Variants in FAM53A observed in about 807,000 individuals in gnomAD.
The protein encoded by FAM53A is protein FAM53A.
FAM53A carries 28 observed loss-of-function variants against 26.6 expected under a neutral mutation model. The ratio of observed to expected loss-of-function variants is 1.05; its 90% CI spans 0.78 to 1.45. The LOEUF (loss-of-function observed/expected upper bound fraction) is 1.45. FAM53A is among the 40% of genes most tolerant of loss of function. FAM53A has a pLI of 0.00. For synonymous variants in FAM53A, 290 were observed against 253.1 expected (o/e 1.15, Z -1.38); for missense variants, 650 against 575.8 (o/e 1.13, Z -1.32).
intron 1 of FAM53A, 61 bp downstream of exon 1, chr4:1,684,172 G>C (rs1016745958): frequency 6.6e-6 from 1 of 151,838 alleles, no homozygotes; most frequent in Non-Finnish European, 1.5e-5. Flanking sequence ...GGTGCGCCGA[G>C]GAATGGGCAG....
chr4:1,664,330 C>T (rs1212955026), intron 2 of FAM53A, among the ~76,000 whole-genome samples: 1 of 152,128 alleles, frequency 6.6e-6, no homozygotes, highest in Non-Finnish European at 1.5e-5. Context: ...AAACAAGGAG[C>T]CCTGAGCTAA....
the FAM53A span, among the ~76,000 whole-genome samples, chr4:1,596,590 G>A: frequency 2.0e-5 from 3 of 152,310 alleles, no homozygotes; most frequent in East Asian, 3.9e-4. Flanking sequence ...TGTCACTGCA[G>A]GCATGCCCTC....
At chr4:1,636,394 G>A (rs1227497153), downstream of FAM53A, among the ~76,000 whole-genome samples, 1 of 152,302 alleles carries the variant, frequency 6.6e-6, no homozygotes, top group East Asian at 1.9e-4. Flanking sequence ...CCTAGGACGG[G>A]GGTTGTGAAT....
intron 2 of FAM53A, 125 bp from the exon 3 acceptor site, chr4:1,657,593 A>G (rs1324355078): frequency 1.2e-6 from 1 of 811,506 alleles, no homozygotes; most frequent in Non-Finnish European, 2.0e-6. Flanking sequence ...TGATTAAAAT[A>G]AGCACAGTTT....
the FAM53A span, among the ~76,000 whole-genome samples, chr4:1,587,109 G>GT: frequency 1.3e-5 from 2 of 152,126 alleles, no homozygotes; most frequent in Non-Finnish European, 2.9e-5. Context: ...CTATTGGGTT[G>GT]TTTGAGTTCC....
At chr4:1,654,831 G>T in intron 4 of FAM53A, 147 bp downstream of exon 4, 1 of 1,160,708 alleles carries the variant, frequency 8.6e-7, no homozygotes, top group East Asian at 3.0e-5. Context: ...ACGCACTCCA[G>T]ATGGCTCTCC....
chr4:1,655,296 G>T lies in FAM53A; in HGVS notation c.564C>A (p.Ser188=). The change falls in exon 4 of 5, where the codon TCC becomes TCA. Residue 188 remains serine, a synonymous_variant. Coordinates refer to ENST00000308132, the MANE Select transcript of FAM53A (RefSeq NM_001174070.3). ...GPTSPATPRP[S]SASGGFVDSS... ...TGTCCACGAAGCCGCCGCTGGCGGA[G>T]GACGGCCGGGGCGTGGCGGGCGAGG... The T allele has an allele frequency of 7.0e-7, 1 of 1,424,526 alleles. No individual in the cohort carries two copies. 88.2% of individuals were successfully genotyped at this position (1,424,526 alleles called of 1,614,324 possible).
At chr4:1,606,765 G>C in the FAM53A span, among the ~76,000 whole-genome samples, 1 of 152,212 alleles carries the variant, frequency 6.6e-6, no homozygotes, top group Non-Finnish European at 1.5e-5. Context: ...CGAGGGACTC[G>C]GGCAGCCACG....
chr4:1,577,711 C>T, the FAM53A span, among the ~76,000 whole-genome samples: 1 of 152,208 alleles, frequency 6.6e-6, no homozygotes, highest in African/African-American at 2.4e-5. Flanking sequence ...TTATGCGCGG[C>T]GCTCTTGTTA....
the FAM53A span, among the ~76,000 whole-genome samples, chr4:1,587,539 G>T: frequency 1.3e-5 from 2 of 152,170 alleles, no homozygotes; most frequent in Admixed American, 1.3e-4. Flanking sequence ...AGGCGTGGTG[G>T]TGCATGCCTG....
At chr4:1,641,639 T>A in intron 4 of FAM53A, 32 bp from the exon 5 acceptor site, 1 of 1,610,270 alleles carries the variant, frequency 6.2e-7, no homozygotes, top group Non-Finnish European at 8.5e-7. Context: ...CTTAAAGCAT[T>A]TCTAGCAGAT....
At chr4:1,683,187 T>C (rs1253726812) in intron 1 of FAM53A, among the ~76,000 whole-genome samples, 1 of 152,186 alleles carries the variant, frequency 6.6e-6, no homozygotes, top group Admixed American at 6.5e-5. Context: ...AAGTCACTGT[T>C]TCTAAACAAT....
intron 1 of FAM53A, among the ~76,000 whole-genome samples, chr4:1,672,410 T>G (rs1714746088): frequency 6.6e-6 from 1 of 151,918 alleles, no homozygotes; most frequent in African/African-American, 2.4e-5. Flanking sequence ...CAGGAACCCA[T>G]GGACCCAGGT....
At chr4:1,634,299 C>T (rs139835026) in intron 1 of FAM53A, among the ~76,000 whole-genome samples, 11 of 152,098 alleles carry the variant, frequency 7.2e-5, no homozygotes, top group Non-Finnish European at 7.4e-5. Context: ...CTGCTGAGGG[C>T]TCCTGTTACC....
chr4:1,664,874 A>G (rs866150688), intron 2 of FAM53A, among the ~76,000 whole-genome samples: 2 of 152,272 alleles, frequency 1.3e-5, no homozygotes, highest in African/African-American at 4.8e-5. Context: ...ACTACTGAGG[A>G]GGCTGAGGCA....
chr4:1,643,338 C>T (rs578028438), intron 4 of FAM53A, among the ~76,000 whole-genome samples: 16 of 151,832 alleles, frequency 1.1e-4, no homozygotes, highest in East Asian at 4.0e-4. Flanking sequence ...TGGTGGCGGG[C>T]GCCTGTAGTC....
rs901250569 is a variant in FAM53A at position 1,668,842 on chromosome 4, G to T, written c.-101C>A. ...CATTGCTGGGTCAGCCAAATCTCAAGGTCATGTCTCCACTTTCTTTACAGA... is the reference window on the plus strand; with the variant it reads ...CATTGCTGGGTCAGCCAAATCTCAATGTCATGTCTCCACTTTCTTTACAGA... On this transcript the variant is annotated 5_prime_UTR_variant, in exon 2 of 5. Transcript: ENST00000308132. 1.0e-5 allele frequency: 11 copies of T among 1,088,650 alleles called. No individual in the cohort carries two copies. The Admixed American group carries it at 2.2e-4, about 22-fold the overall frequency. 67.4% of individuals were successfully genotyped at this position (1,088,650 alleles called of 1,614,324 possible). A position where few individuals can be genotyped will look rare whatever the true frequency, so the allele number is the denominator to read the frequency against.
At chr4:1,592,430 A>T in the FAM53A span, among the ~76,000 whole-genome samples, 162 of 152,330 alleles carry the variant, frequency 1.1e-3, 1 homozygote, top group African/African-American at 3.6e-3. Flanking sequence ...GGCAGGGCCC[A>T]AGCCCAGGAT....
At chr4:1,623,689 C>T (rs999960381) in intron 1 of FAM53A, among the ~76,000 whole-genome samples, 2 of 152,244 alleles carry the variant, frequency 1.3e-5, no homozygotes, top group South Asian at 2.1e-4. Flanking sequence ...GGGAGCCGCG[C>T]GATGCCAGCC....
Sources: allele counts gnomAD v4.1 joint callset (sites outside exome capture counted in the v4.1 genomes callset), GRCh38; gene constraint gnomAD v4.1.1; transcripts MANE v1.5; gene names NCBI Gene and HGNC (gene_info 2026-07-23, HGNC 2026-07-21).